ATP11C: variants seen among roughly 807,000 people sequenced by gnomAD.
ATP11C encodes phospholipid-transporting ATPase IG.
In ATP11C, 36 loss-of-function variants were observed where a neutral mutation model predicts 97.4. The observed-to-expected ratio is 0.37, with a 90% CI of 0.28 to 0.49. The LOEUF (loss-of-function observed/expected upper bound fraction) is 0.49. Among genes scored for constraint, ATP11C ranks in the 20% least tolerant of loss-of-function variants. ATP11C has a pLI of 0.98. For missense variants in ATP11C, 730 were observed against 824.6 expected, an observed-to-expected ratio of 0.89 and a Z score of 1.40; for synonymous variants, 275 against 290.9, an observed-to-expected ratio of 0.95 and a Z score of 0.56.
intron 1 of ATP11C, among the ~76,000 whole-genome samples, chrX:139,843,830 GA>G (rs372972336): frequency 0.066 from 6,953 of 105,480 alleles, 557 homozygotes; most frequent in African/African-American, 0.22. Flanking sequence ...TGTAAATACT[GA>G]AAAAAAATTG....
intron 1 of ATP11C, among the ~76,000 whole-genome samples, chrX:139,917,683 G>A (rs1373527219): frequency 9.0e-6 from 1 of 111,534 alleles, no homozygotes; most frequent in African/African-American, 3.3e-5. Context: ...TAGGTCAGGC[G>A]TGGTGGTTCC....
chrX:139,910,936 A>G (rs1246178920), intron 1 of ATP11C, among the ~76,000 whole-genome samples: 1 of 111,991 alleles, frequency 8.9e-6, no homozygotes, highest in Non-Finnish European at 1.9e-5. Flanking sequence ...AGACCAGAAC[A>G]TATGTTAAGG....
At chrX:139,784,316 T>C in intron 16 of ATP11C, among the ~76,000 whole-genome samples, 1 of 111,591 alleles carries the variant, frequency 9.0e-6, no homozygotes, top group Non-Finnish European at 1.9e-5. Context: ...ATTTTAAAAT[T>C]CACAAAACAA....
intron 7 of ATP11C, among the ~76,000 whole-genome samples, chrX:139,801,054 G>A (rs1346604446): frequency 3.6e-5 from 4 of 112,126 alleles, no homozygotes; most frequent in African/African-American, 1.3e-4. Context: ...AAGGTATTCC[G>A]AAGTCACACA....
intron 1 of ATP11C, among the ~76,000 whole-genome samples, chrX:139,869,107 T>A (rs1463808422): frequency 2.7e-5 from 3 of 112,183 alleles, no homozygotes. Context: ...AATCCAGCAA[T>A]CCCACTTCTG....
Position 139,768,387 on chromosome X carries a change from G to A in ATP11C, c.2264C>T (p.Thr755Ile), listed in dbSNP as rs1279944188. 2.6e-6 allele frequency: 3 copies of A among 1,165,212 alleles called. No individual in the cohort carries two copies. Among genetic ancestry groups the A allele is most frequent in the Non-Finnish European group, 3.4e-6 (3 of 869,933 alleles). The change falls in exon 20 of 30, where the codon ACA (threonine) becomes ATA (isoleucine). Residue 755 changes from threonine (T) to isoleucine (I), a missense_variant. Physicochemically the swap from Thr to Ile is moderately conservative, Grantham distance 89 (BLOSUM62 -1). Coordinates refer to ENST00000682941, the MANE Select transcript of ATP11C (RefSeq NM_001353812.2). ...QEYGLIIDGS[T>I]LSLILNSSQD... ...ACTAGAATTTAGTATGAGTGACAAT[G>A]TGGAGCCATCTATGATTAATCCATA...
chrX:139,829,113 T>C (rs1209193398), intron 1 of ATP11C, among the ~76,000 whole-genome samples: 1 of 111,640 alleles, frequency 9.0e-6, no homozygotes, highest in Non-Finnish European at 1.9e-5. Flanking sequence ...ATCCCGGCAG[T>C]GATTGCTGTT....
intron 1 of ATP11C, among the ~76,000 whole-genome samples, chrX:139,918,871 A>C (rs1464404608): frequency 9.0e-6 from 1 of 110,843 alleles, no homozygotes; most frequent in Non-Finnish European, 1.9e-5. Context: ...TGTTGCATAC[A>C]ATGTGAATAC....
At chrX:139,834,982 T>C (rs1376755989) in intron 1 of ATP11C, among the ~76,000 whole-genome samples, 1 of 112,517 alleles carries the variant, frequency 8.9e-6, no homozygotes, top group Non-Finnish European at 1.9e-5. Flanking sequence ...CATCACATTC[T>C]GTACAACATG....
At chrX:139,876,916 G>T (rs1399409353) in intron 1 of ATP11C, among the ~76,000 whole-genome samples, 3 of 112,682 alleles carry the variant, frequency 2.7e-5, no homozygotes, top group Non-Finnish European at 5.6e-5. Flanking sequence ...GCCTGCAGGT[G>T]AACAATGCCA....
intron 18 of ATP11C, among the ~76,000 whole-genome samples, chrX:139,776,836 T>C: frequency 9.0e-6 from 1 of 111,509 alleles, no homozygotes; most frequent in Admixed American, 9.5e-5. Flanking sequence ...AGGCAGTGTG[T>C]CAGCCCTTGC....
In ATP11C at chrX:139,738,063, A is replaced by ATTCTTCTGATAGTATT; in HGVS notation, c.3140_3141insAATACTATCAGAAGAA (p.Phe1047LeufsTer40). The stretch of plus-strand genomic sequence containing the variant: ...CAAAATACATTCTCTGTTGCTTGAG[A>ATTCTTCTGATAGTATT]AAAGGCCTGCAGTGGAAAGAAAATA... On this transcript the variant is annotated frameshift_variant, in exon 28 of 30. Coordinates refer to ENST00000682941, the MANE Select transcript of ATP11C (RefSeq NM_001353812.2). LOFTEE classifies it high-confidence loss of function. 1 of 1,196,078 alleles carries ATTCTTCTGATAGTATT rather than the reference A, an allele frequency of 8.4e-7. No homozygotes were observed. The highest frequency in any genetic ancestry group is 1.1e-6 in the Non-Finnish European group (1 of 887,506).
intron 1 of ATP11C, among the ~76,000 whole-genome samples, chrX:139,921,044 A>G (rs2085250768): frequency 9.0e-6 from 1 of 111,671 alleles, no homozygotes; most frequent in African/African-American, 3.3e-5. Flanking sequence ...AGCTTGAGCT[A>G]CTAGGAGGGG....
chrX:139,785,356 C>G, intron 15 of ATP11C, 57 bp from the exon 16 acceptor site: 1 of 858,461 alleles, frequency 1.2e-6, no homozygotes, highest in Non-Finnish European at 1.7e-6. Context: ...AAATAAAGCA[C>G]AACAGAAATA....
chrX:139,931,897 G>A (rs1168106266), intron 1 of ATP11C, 119 bp downstream of exon 1: 1 of 876,982 alleles, frequency 1.1e-6, no homozygotes, highest in East Asian at 4.1e-5. Context: ...GGAAGAAGAG[G>A]GGTGGTGGTG....
chrX:139,906,963 A>AT (rs2084990205), intron 1 of ATP11C, among the ~76,000 whole-genome samples: 2 of 111,380 alleles, frequency 1.8e-5, no homozygotes, highest in Admixed American at 9.6e-5. Context: ...TATAGGCTTC[A>AT]TAACAACCCA....
intron 20 of ATP11C, among the ~76,000 whole-genome samples, chrX:139,763,707 G>A (rs1052104180): frequency 2.7e-5 from 3 of 111,620 alleles, no homozygotes; most frequent in Admixed American, 1.9e-4. Context: ...TTTTAAAATC[G>A]GTATTATTTT....
chrX:139,789,448 T>A lies in ATP11C; in HGVS notation c.1247A>T (p.Glu416Val). 8.3e-7 allele frequency: 1 copy of A among 1,204,089 alleles called. No homozygotes were observed. Among genetic ancestry groups the A allele is most frequent in the Non-Finnish European group, 1.1e-6 (1 of 891,666 alleles). Reference protein sequence around the residue: ...VFTDKTGTLTENSMEFIECCI... With the variant: ...VFTDKTGTLTVNSMEFIECCI... ...GCATTCAATGAATTCCATGCTGTTT[T>A]CAGTGAGTGTTCCAGTCTTATCTGT... is the stretch of plus-strand genomic sequence containing the variant. The change falls in exon 13 of 30, where the codon GAA becomes GTA. Residue 416 changes from glutamate (E) to valine (V), a missense_variant. Coordinates refer to ENST00000682941, the MANE Select transcript of ATP11C (RefSeq NM_001353812.2).
In ATP11C at chrX:139,891,856, C is replaced by T. The variant is rs151327180; in HGVS notation, c.27+40160G>A. Among the ~76,000 whole-genome samples the T allele has an allele frequency of 1.9e-3, 207 of 110,949 alleles. 5 individuals carry two copies. In the East Asian group the frequency reaches 0.055, roughly 29 times the overall value. ...ATTTCATGATTCTAGTTCTCCCTTG[C>T]CCCTAATTAATTTTTTTTAAGACAG... On this transcript the variant is annotated intron_variant, in intron 1 of 29. Transcript: ENST00000682941.
Sources: allele counts gnomAD v4.1 joint callset (sites outside exome capture counted in the v4.1 genomes callset), GRCh38; gene constraint gnomAD v4.1.1; transcripts MANE v1.5; gene names NCBI Gene and HGNC (gene_info 2026-07-23, HGNC 2026-07-21).